CERS5: variants seen among roughly 807,000 people sequenced by gnomAD.
CERS5 encodes LAG1 homolog, ceramide synthase 5.
A neutral mutation model predicts 58.9 loss-of-function variants in CERS5; 37 were observed. The observed-to-expected ratio is 0.63, with a 90% CI of 0.48 to 0.83. The LOEUF is 0.83. Among genes scored for constraint, CERS5 ranks in the 40% least tolerant of loss-of-function variants. The pLI is 0.00. For missense variants in CERS5, 398 were observed against 489.3 expected (o/e 0.81, Z 1.76); for synonymous variants, 147 against 177.8 (o/e 0.83, Z 1.38).
chr12:50,151,387 A>G (rs557451394), intron 1 of CERS5, among the ~76,000 whole-genome samples: 1 of 152,286 alleles, frequency 6.6e-6, no homozygotes, highest in African/African-American at 2.4e-5. Context: ...GCACCAACCA[A>G]ATACATTAAT....
chr12:50,158,726 C>T (rs765305976), intron 1 of CERS5, among the ~76,000 whole-genome samples: 2 of 152,158 alleles, frequency 1.3e-5, no homozygotes, highest in Non-Finnish European at 2.9e-5. Context: ...TTGCCCTAAA[C>T]ACAACCACAA....
chr12:50,140,172 T>C (rs1197423495), intron 4 of CERS5, among the ~76,000 whole-genome samples: 3 of 152,150 alleles, frequency 2.0e-5, no homozygotes, highest in African/African-American at 7.2e-5. Flanking sequence ...GTTTTATCTG[T>C]ATCCCAGAAA....
chr12:50,164,439 A>G (rs1449355055), intron 1 of CERS5, among the ~76,000 whole-genome samples: 2 of 152,110 alleles, frequency 1.3e-5, no homozygotes, highest in East Asian at 3.9e-4. Context: ...AAAAACAACA[A>G]TAAGAGTGGA....
intron 1 of CERS5, among the ~76,000 whole-genome samples, chr12:50,148,141 CA>C (rs1472962009): frequency 6.6e-6 from 1 of 151,222 alleles, no homozygotes; most frequent in African/African-American, 2.4e-5. Context: ...TGTCTCTCCC[CA>C]AAACACAAAA....
intron 4 of CERS5, among the ~76,000 whole-genome samples, chr12:50,140,649 G>T (rs2138070744): frequency 6.6e-6 from 1 of 152,244 alleles, no homozygotes; most frequent in East Asian, 1.9e-4. Context: ...GTTATGGTCA[G>T]AGAACACATT....
At chr12:50,153,981 A>G (rs1361951508) in intron 1 of CERS5, 1 of 284,730 alleles carries the variant, frequency 3.5e-6, no homozygotes, top group Non-Finnish European at 7.1e-6. Flanking sequence ...AACACAATGA[A>G]CATAGAACAA....
chr12:50,133,776 A>G, intron 9 of CERS5: 7 of 985,752 alleles, frequency 7.1e-6, no homozygotes, highest in Non-Finnish European at 8.4e-6. Flanking sequence ...TCACATCTTA[A>G]AAGGTAAAAC....
At chr12:50,143,013 CTT>C in intron 3 of CERS5, 59 bp downstream of exon 3, 1 of 1,515,466 alleles carries the variant, frequency 6.6e-7, no homozygotes, top group Non-Finnish European at 8.9e-7. Context: ...AAAACAGAAA[CTT>C]CAGTCCAGTT....
intron 1 of CERS5, among the ~76,000 whole-genome samples, chr12:50,147,150 T>G (rs1283916083): frequency 1.3e-5 from 2 of 151,952 alleles, no homozygotes; most frequent in Non-Finnish European, 2.9e-5. Context: ...ATGCCTGTAA[T>G]CCCAGCACTT....
chr12:50,130,932 G>A, intron 9 of CERS5, among the ~76,000 whole-genome samples: 1 of 152,190 alleles, frequency 6.6e-6, no homozygotes, highest in East Asian at 1.9e-4. Context: ...CTTTGGTAGA[G>A]GAGTGTGTCT....
chr12:50,131,482 C>A (rs1951315908), intron 9 of CERS5, among the ~76,000 whole-genome samples: 2 of 150,552 alleles, frequency 1.3e-5, no homozygotes, highest in African/African-American at 4.9e-5. Flanking sequence ...TCTCTTGAAC[C>A]CCGGAGGTGG....
At chr12:50,162,607 CTCTT>C (rs1939427252) in intron 1 of CERS5, among the ~76,000 whole-genome samples, 1 of 145,340 alleles carries the variant, frequency 6.9e-6, no homozygotes, top group South Asian at 2.2e-4. Flanking sequence ...CTCTCTCTCT[CTCTT>C]TTTTTTTTTT....
Position 50,129,531 on chromosome 12 carries a change from AGTCTCG to A in CERS5, c.*1008_*1013del, listed in dbSNP as rs1951198702. 1 of 134,654 alleles carries A rather than the reference AGTCTCG, an allele frequency of 7.4e-6. No individual in the cohort carries two copies. Among genetic ancestry groups the A allele is most frequent in the Non-Finnish European group, 1.5e-5 (1 of 64,742 alleles). The allele number at this position is 134,654 out of a possible 1,614,324, so 8.3% of individuals were successfully genotyped here. A position where few individuals can be genotyped will look rare whatever the true frequency, so the allele number is the denominator to read the frequency against. ...TTTTTTTTTTTTTTTTTTTAGACAG[AGTCTCG>A]GTCTGTCGCCCAGGCTGGAGTGCAG... On this transcript the variant is annotated 3_prime_UTR_variant, in exon 10 of 10. Transcript: ENST00000317551.
At chr12:50,156,420 C>CTATACATATATATATATA (rs1555198358) in intron 1 of CERS5, among the ~76,000 whole-genome samples, 2 of 77,322 alleles carry the variant, frequency 2.6e-5, no homozygotes, top group African/African-American at 1.0e-4. Context: ...AACAAACAAA[C>CTATACATATATATATATA]TATATATATA....
intron 1 of CERS5, among the ~76,000 whole-genome samples, chr12:50,152,444 T>C (rs770619840): frequency 1.2e-4 from 18 of 152,242 alleles, no homozygotes; most frequent in Admixed American, 2.6e-4. Flanking sequence ...GAATATATTT[T>C]TTAAAAGTAT....
intron 9 of CERS5, chr12:50,133,369 G>C (rs570406715): frequency 8.6e-6 from 9 of 1,051,110 alleles, no homozygotes; most frequent in Non-Finnish European, 9.2e-6. Flanking sequence ...CCTTTCTTTC[G>C]CTCTTGGCAT....
intron 1 of CERS5, among the ~76,000 whole-genome samples, chr12:50,152,302 G>A (rs541473206): frequency 1.1e-3 from 175 of 152,312 alleles, no homozygotes; most frequent in Non-Finnish European, 1.4e-3. Context: ...TCAAGGTAGT[G>A]ACACCAAACC....
intron 9 of CERS5, chr12:50,132,892 A>G (rs2137994506): frequency 1.6e-6 from 2 of 1,277,598 alleles, no homozygotes; most frequent in South Asian, 2.5e-5. Context: ...CAGAAAGGAG[A>G]GCAGGAGGAA....
intron 8 of CERS5, chr12:50,135,409 T>A: frequency 2.0e-6 from 1 of 509,358 alleles, no homozygotes; most frequent in Middle Eastern, 3.0e-4. Context: ...GTATCAACAG[T>A]GCAAAAGAAG....
Sources: allele counts gnomAD v4.1 joint callset (sites outside exome capture counted in the v4.1 genomes callset), GRCh38; gene constraint gnomAD v4.1.1; transcripts MANE v1.5; gene names NCBI Gene and HGNC (gene_info 2026-07-23, HGNC 2026-07-21).